PRKD1: variants seen among roughly 807,000 people sequenced by gnomAD.
The protein encoded by PRKD1 is protein kinase D1.
A neutral mutation model predicts 95.9 loss-of-function variants in PRKD1; 63 were observed. That is an observed-to-expected ratio of 0.66 (90% CI 0.54 to 0.81). The LOEUF is 0.81. PRKD1 is among the 30% of genes least tolerant of loss of function. The pLI, the probability that PRKD1 is intolerant of heterozygous loss-of-function variation, is 0.00. For synonymous variants in PRKD1, 425 were observed against 423.1 expected (o/e 1.00, Z -0.05); for missense variants, 1,048 against 1,165.3 (o/e 0.90, Z 1.47).
intron 2 of PRKD1, among the ~76,000 whole-genome samples, chr14:29,680,314 A>G (rs1164309139): frequency 2.0e-5 from 3 of 152,168 alleles, no homozygotes; most frequent in Non-Finnish European, 4.4e-5. Context: ...CCCCTCCCCA[A>G]CTACGTGGAT....
chr14:29,656,849 G>A (rs1293692416), intron 4 of PRKD1, among the ~76,000 whole-genome samples: 1 of 152,124 alleles, frequency 6.6e-6, no homozygotes, highest in African/African-American at 2.4e-5. Flanking sequence ...TAGTCAAAAT[G>A]AAGCGTTTTT....
chr14:29,623,106 T>A (rs1879384732), intron 13 of PRKD1, among the ~76,000 whole-genome samples: 2 of 152,306 alleles, frequency 1.3e-5, no homozygotes, highest in South Asian at 4.1e-4. Flanking sequence ...TTAATTAGTA[T>A]CTTCACATCC....
chr14:29,838,415 A>C (rs1211999634), intron 1 of PRKD1, among the ~76,000 whole-genome samples: 1 of 152,188 alleles, frequency 6.6e-6, no homozygotes, highest in South Asian at 2.1e-4. Flanking sequence ...AAAATTACAG[A>C]TAGAATTGAG....
At chr14:29,752,344 T>C (rs1887515001) in intron 1 of PRKD1, among the ~76,000 whole-genome samples, 1 of 152,102 alleles carries the variant, frequency 6.6e-6, no homozygotes, top group East Asian at 1.9e-4. Context: ...CAGTTCTCCA[T>C]TTAACAAAAG....
chr14:29,787,764 T>C (rs1391568691), intron 1 of PRKD1, among the ~76,000 whole-genome samples: 1 of 152,164 alleles, frequency 6.6e-6, no homozygotes, highest in African/African-American at 2.4e-5. Context: ...AGGCAGCTTA[T>C]AGTTAGGTCT....
chr14:29,612,798 T>C (rs1878562972), intron 13 of PRKD1, among the ~76,000 whole-genome samples: 1 of 152,160 alleles, frequency 6.6e-6, no homozygotes, highest in Non-Finnish European at 1.5e-5. Flanking sequence ...ATAGAAATAG[T>C]TTCATAAAAA....
Position 29,648,631 on chromosome 14 carries a change from C to T in PRKD1, c.697-9727G>A, listed in dbSNP as rs374779001. On this transcript the variant is annotated intron_variant, in intron 4 of 17. Coordinates refer to ENST00000331968, the MANE Select transcript of PRKD1 (RefSeq NM_002742.3). ...TGCTGTGTTTACCATGTGCTGGCCT[C>T]ACAAAGTCTTTTATAAAACTGGCTG... Among the ~76,000 whole-genome samples the T allele has an allele frequency of 9.3e-4, 142 of 152,216 alleles. 1 individual carries two copies. Among genetic ancestry groups the T allele is most frequent in the African/African-American group, 3.2e-3 (135 of 41,550 alleles).
chr14:29,785,123 AAACCTGCTGAAT>A (rs1458794353), intron 1 of PRKD1, among the ~76,000 whole-genome samples: 1 of 152,116 alleles, frequency 6.6e-6, no homozygotes, highest in Non-Finnish European at 1.5e-5. Flanking sequence ...CTGCCCCTCC[AAACCTGCTGAAT>A]AATATGTCTA....
rs1895340862 is a variant in PRKD1 at position 29,927,321 on chromosome 14, C to T, written c.192G>A (p.Leu64=). 2.6e-6 allele frequency: 4 copies of T among 1,561,444 alleles called. No homozygotes were observed. In the Admixed American group the frequency reaches 5.6e-5, roughly 22 times the overall value. The change falls in exon 1 of 18, where the codon CTG becomes CTA. Residue 64 remains leucine (L), a synonymous_variant. Coordinates refer to ENST00000331968, the MANE Select transcript of PRKD1 (RefSeq NM_002742.3). ...TGTAGTCCCCGGACGAGTCCTGCAG[C>T]AGCAGCACCGGCTCACGGCTCAGGC... ...QIGLSREPVL[L]LQDSSGDYSL...
intron 13 of PRKD1, among the ~76,000 whole-genome samples, chr14:29,601,716 A>G (rs1450422420): frequency 6.6e-6 from 1 of 152,210 alleles, no homozygotes; most frequent in Non-Finnish European, 1.5e-5. Flanking sequence ...TAAGGAGGCG[A>G]CTAATATGAC....
chr14:29,592,145 C>T (rs1173197451), intron 16 of PRKD1, among the ~76,000 whole-genome samples: 1 of 152,066 alleles, frequency 6.6e-6, no homozygotes, highest in Admixed American at 6.6e-5. Context: ...GAGATGACAG[C>T]AAGACCATGT....
intron 1 of PRKD1, among the ~76,000 whole-genome samples, chr14:29,849,551 A>C (rs1279973265): frequency 6.7e-6 from 1 of 149,218 alleles, no homozygotes; most frequent in Non-Finnish European, 1.5e-5. Context: ...TGAATCAGTG[A>C]AGTAAAACAA....
intron 2 of PRKD1, among the ~76,000 whole-genome samples, chr14:29,703,602 CT>C (rs1351839384): frequency 1.3e-5 from 2 of 152,056 alleles, no homozygotes; most frequent in Non-Finnish European, 2.9e-5. Context: ...GAAGGATATA[CT>C]GGAGAGTAGA....
chr14:29,889,020 C>T (rs890755808), intron 1 of PRKD1, among the ~76,000 whole-genome samples: 1 of 152,096 alleles, frequency 6.6e-6, no homozygotes, highest in Admixed American at 6.6e-5. Flanking sequence ...CTCATATGTG[C>T]AAAAACCTGT....
intron 1 of PRKD1, among the ~76,000 whole-genome samples, chr14:29,756,699 C>T (rs1171376798): frequency 6.6e-6 from 1 of 152,208 alleles, no homozygotes; most frequent in Non-Finnish European, 1.5e-5. Context: ...AGACTAGGGG[C>T]TTTGCTACAC....
In PRKD1 at chr14:29,840,905, G is replaced by T. The variant is rs141295069; in HGVS notation, c.264+86344C>A. 2.6e-5 allele frequency among the ~76,000 whole-genome samples: 4 copies of T among 152,178 alleles called. No homozygotes were observed. The East Asian group carries it at 7.7e-4, about 29-fold the overall frequency. On this transcript the variant is annotated intron_variant, in intron 1 of 17. Coordinates refer to ENST00000331968, the MANE Select transcript of PRKD1 (RefSeq NM_002742.3). The stretch of plus-strand genomic sequence containing the variant: ...CGTGGGAATTCAAGATGACATTTGG[G>T]TGGGGACACAGCCAAACCGTATCAG...
At chr14:29,640,792 A>G (rs1047165911) in intron 4 of PRKD1, among the ~76,000 whole-genome samples, 7 of 152,210 alleles carry the variant, frequency 4.6e-5, no homozygotes, top group African/African-American at 1.7e-4. Flanking sequence ...CTTTGTTAGC[A>G]GATTTAACAT....
At chr14:29,667,644 T>C (rs1005286003) in intron 2 of PRKD1, among the ~76,000 whole-genome samples, 6 of 152,208 alleles carry the variant, frequency 3.9e-5, no homozygotes, top group African/African-American at 1.4e-4. Context: ...GAAAATTTAT[T>C]TTTAAAATAT....
chr14:29,819,007 TG>T (rs1274734974), intron 1 of PRKD1, among the ~76,000 whole-genome samples: 2 of 151,056 alleles, frequency 1.3e-5, no homozygotes, highest in Admixed American at 1.3e-4. Context: ...TAAAAGGGGG[TG>T]GGGGTACACT....
Sources: allele counts gnomAD v4.1 joint callset (sites outside exome capture counted in the v4.1 genomes callset), GRCh38; gene constraint gnomAD v4.1.1; transcripts MANE v1.5; gene names NCBI Gene and HGNC (gene_info 2026-07-23, HGNC 2026-07-21).